Variants in ZC3H18 observed in about 807,000 individuals in gnomAD.
ZC3H18 encodes the protein zinc finger CCCH domain-containing protein 18.
A neutral mutation model predicts 106.1 loss-of-function variants in ZC3H18; 8 were observed. The ratio of observed to expected loss-of-function variants is 0.08; its 90% CI spans 0.04 to 0.14. The LOEUF (loss-of-function observed/expected upper bound fraction) is 0.14, where lower values mean the gene tolerates loss of function less well. Ranked by LOEUF, ZC3H18 falls within the 10% of genes least tolerant of loss-of-function variation. The pLI, the probability that ZC3H18 is intolerant of heterozygous loss-of-function variation, is 1.00. For missense variants in ZC3H18, 1,318 were observed against 1,278.4 expected, an observed-to-expected ratio of 1.03 and a Z score of -0.47; for synonymous variants, 635 against 522.1, an observed-to-expected ratio of 1.22 and a Z score of -2.95.
At chr16:88,587,531 T>G in intron 3 of ZC3H18, 1 of 1,535,888 alleles carries the variant, frequency 6.5e-7, no homozygotes, top group Non-Finnish European at 8.7e-7. Context: ...CTTCCTGTAC[T>G]TCTTTTCCAG....
Position 88,622,203 on chromosome 16 carries a change from A to T in ZC3H18, c.1482A>T (p.Gln494His). 6.2e-7 allele frequency: 1 copy of T among 1,608,780 alleles called. No individual in the cohort carries two copies. Among genetic ancestry groups the T allele is most frequent in the South Asian group, 1.1e-5 (1 of 90,668 alleles). The change falls in exon 9 of 18, where the codon CAA becomes CAT. Residue 494 changes from glutamine to histidine, a missense_variant. Gln to His is a conservative substitution (Grantham distance 24, BLOSUM62 0). Coordinates refer to ENST00000301011, the MANE Select transcript of ZC3H18 (RefSeq NM_144604.4). ...KPRSPQPPSRQAEPPKKEAAT... is the reference protein window; with the variant it reads ...KPRSPQPPSRHAEPPKKEAAT... ...AATGCCTCTGTAATTTCAGCCGCCA[A>T]GCTGAGCCACCAAAGAAGGAGGCTG...
In ZC3H18 at chr16:88,599,886, C is replaced by T; in HGVS notation, c.1026C>T (p.Asp342=). The T allele has an allele frequency of 6.2e-6, 10 of 1,614,192 alleles. No homozygotes were observed. The highest frequency in any genetic ancestry group is 2.2e-5 in the South Asian group (2 of 91,084). Reference sequence around the variant, plus strand: ...TTGGCGAAGACGAACGGGAATTTGACAAAGAAAATGAAGTTTTTCGAGATT... The same window carrying T: ...TTGGCGAAGACGAACGGGAATTTGATAAAGAAAATGAAGTTTTTCGAGATT... ...VTIGEDEREF[D]KENEVFRDWN... Residue 342 remains aspartate (D), a synonymous_variant, in exon 6 of 18, where the codon GAC becomes GAT. Coordinates refer to ENST00000301011, the MANE Select transcript of ZC3H18 (RefSeq NM_144604.4).
intron 2 of ZC3H18, 83 bp downstream of exon 2, chr16:88,577,809 G>T: frequency 6.2e-7 from 1 of 1,602,712 alleles, no homozygotes; most frequent in East Asian, 2.2e-5. Context: ...GGGACTCTGT[G>T]TGGGACTGAC....
Position 88,577,154 on chromosome 16 carries a change from C to G in ZC3H18, c.31C>G (p.Pro11Ala), listed in dbSNP as rs768526102. The G allele has an allele frequency of 3.2e-6, 5 of 1,581,326 alleles. No individual in the cohort carries two copies. The East Asian group carries it at 1.1e-4, about 36-fold the overall frequency. ...TGTGGCCGAGAGCCCTGAACGGGAT[C>G]CTCACTCTCCAGAGGATGAAGAGCA... The part of the protein sequence containing the change: MDVAESPERD[P>A]HSPEDEEQPQ... Residue 11 changes from proline to alanine, a missense_variant, in exon 2 of 18, where the codon CCT becomes GCT. Physicochemically the swap from Pro to Ala is conservative, Grantham distance 27. Coordinates refer to ENST00000301011, the MANE Select transcript of ZC3H18 (RefSeq NM_144604.4).
intron 3 of ZC3H18, among the ~76,000 whole-genome samples, chr16:88,596,154 G>T (rs1047248150): frequency 6.6e-6 from 1 of 152,108 alleles, no homozygotes; most frequent in Non-Finnish European, 1.5e-5. Context: ...CCCCACGCTC[G>T]CCTTCTCAGC....
chr16:88,577,070 T>C (rs1287198743), intron 1 of ZC3H18, 40 bp from the exon 2 acceptor site: 1 of 1,498,340 alleles, frequency 6.7e-7, no homozygotes, highest in Non-Finnish European at 8.9e-7. Context: ...TTGTTTTCCA[T>C]TTTGCTAAAG....
chr16:88,623,697 CTCCTG>C lies in ZC3H18; in HGVS notation c.1794-255_1794-251del, dbSNP rs1906112985. 4 of 600,288 alleles carry C rather than the reference CTCCTG, an allele frequency of 6.7e-6. No homozygotes were observed. The Admixed American group carries it at 1.4e-4, about 20-fold the overall frequency. 37.2% of individuals were successfully genotyped at this position (600,288 alleles called of 1,614,324 possible). On this transcript the variant is annotated intron_variant, in intron 10 of 17. Coordinates refer to ENST00000301011, the MANE Select transcript of ZC3H18 (RefSeq NM_144604.4). ...GCCCCACTGCCAAGGAGCCTGTCTC[CTCCTG>C]TCCTGCACACACATGAACGTGACAC...
chr16:88,629,627 C>T (rs1169633150), intron 16 of ZC3H18, among the ~76,000 whole-genome samples: 1 of 152,240 alleles, frequency 6.6e-6, no homozygotes, highest in East Asian at 1.9e-4. Context: ...TCCTCCCAGG[C>T]TCCTGCGGAC....
At chr16:88,609,198 C>A in intron 7 of ZC3H18, 147 bp downstream of exon 7, 1 of 520,598 alleles carries the variant, frequency 1.9e-6, no homozygotes, top group South Asian at 3.5e-5. Flanking sequence ...TTGATTGTTA[C>A]GGAGAACGAA....
chr16:88,628,545 TC>T (rs200887908), intron 15 of ZC3H18: 27,423 of 581,842 alleles, frequency 0.047, 782 homozygotes, highest in Non-Finnish European at 0.059. Flanking sequence ...GCAGGGTGCT[TC>T]CCCTGGAACG....
chr16:88,621,811 A>C lies in ZC3H18; in HGVS notation c.1476-386A>C, dbSNP rs528830173. Among the ~76,000 whole-genome samples, 19 of 152,230 alleles carry C rather than the reference A, an allele frequency of 1.2e-4. 1 individual carries two copies. Among genetic ancestry groups the C allele is most frequent in the Admixed American group, 1.2e-3 (19 of 15,282 alleles). ...TGGGCTTATTTCATAAATATTTATT[A>C]TGAACCTACTAGTATATCAGCACTA... is the stretch of plus-strand genomic sequence containing the variant. On this transcript the variant is annotated intron_variant, in intron 8 of 17. Coordinates refer to ENST00000301011, the MANE Select transcript of ZC3H18 (RefSeq NM_144604.4).
At chr16:88,595,478 T>TC (rs201612475) in intron 3 of ZC3H18, among the ~76,000 whole-genome samples, 3 of 145,358 alleles carry the variant, frequency 2.1e-5, no homozygotes, top group Admixed American at 6.8e-5. Context: ...TTCTTTCTTT[T>TC]TTTTTTTTTT....
intron 15 of ZC3H18, 103 bp downstream of exon 15, chr16:88,628,222 G>T (rs978988566): frequency 1.7e-5 from 23 of 1,326,080 alleles, no homozygotes; most frequent in Admixed American, 6.9e-5. Flanking sequence ...GAGTGAGGGC[G>T]AGTGGGGCCT....
At chr16:88,604,143 G>A (rs1392036078) in intron 6 of ZC3H18, among the ~76,000 whole-genome samples, 1 of 151,962 alleles carries the variant, frequency 6.6e-6, no homozygotes, top group Non-Finnish European at 1.5e-5. Context: ...GTTGAGCTCG[G>A]GAGTTGAAGA....
chr16:88,630,548 A>G lies in ZC3H18; in HGVS notation c.2630A>G (p.Gln877Arg). The change falls in exon 17 of 18, where the codon CAG becomes CGG. Residue 877 changes from glutamine to arginine, a missense_variant. By Grantham distance (43) the Gln-to-Arg change is conservative. Around this residue, in one of 6 missense-constraint regions of ZC3H18, gnomAD observed 848 missense variants for 821.7 expected, o/e 1.03. Coordinates refer to ENST00000301011, the MANE Select transcript of ZC3H18 (RefSeq NM_144604.4). ...GSPKPERQRG[Q>R]NSKAPAAPAD... The stretch of plus-strand genomic sequence containing the variant: ...CCGAAGCCAGAGCGGCAGAGAGGCC[A>G]GAACTCCAAAGCCCCTGCAGCCCCG... 1 of 1,611,768 alleles carries G rather than the reference A, an allele frequency of 6.2e-7. No homozygotes were observed. The highest frequency in any genetic ancestry group is 8.5e-7 in the Non-Finnish European group (1 of 1,179,586).
chr16:88,622,102 G>C lies in ZC3H18; in HGVS notation c.1476-95G>C, dbSNP rs1906001330. On this transcript the variant is annotated intron_variant, in intron 8 of 17. Coordinates refer to ENST00000301011, the MANE Select transcript of ZC3H18 (RefSeq NM_144604.4). Reference sequence around the variant, plus strand: ...CTCAGGTGATCCTTAAATAAGCCAGGTATGAGATCCATAGTCTCTCCCGCT... The same window carrying C: ...CTCAGGTGATCCTTAAATAAGCCAGCTATGAGATCCATAGTCTCTCCCGCT... The C allele has an allele frequency of 2.2e-6, 3 of 1,390,774 alleles. No individual in the cohort carries two copies. In the African/African-American group the frequency reaches 4.3e-5, roughly 20 times the overall value. The allele number at this position is 1,390,774 out of a possible 1,614,324, so 86.2% of individuals were successfully genotyped here.
intron 15 of ZC3H18, 93 bp from the exon 16 acceptor site, chr16:88,628,665 A>C: frequency 7.5e-7 from 1 of 1,332,800 alleles, no homozygotes; most frequent in Non-Finnish European, 1.1e-6. Flanking sequence ...GGAGCAGAGC[A>C]GGTTGCTGGC....
chr16:88,617,286 C>A (rs1905674632), intron 8 of ZC3H18, among the ~76,000 whole-genome samples: 1 of 1,736 alleles, frequency 5.8e-4, no homozygotes. Context: ...TGACCAGCTC[C>A]CCCCTGGACC....
intron 2 of ZC3H18, among the ~76,000 whole-genome samples, chr16:88,578,392 C>G (rs1005340282): frequency 6.6e-6 from 1 of 152,150 alleles, no homozygotes; most frequent in Non-Finnish European, 1.5e-5. Context: ...GTGGGGTTTT[C>G]TTAGCAGTTG....
Sources: allele counts gnomAD v4.1 joint callset (sites outside exome capture counted in the v4.1 genomes callset), GRCh38; gene constraint gnomAD v4.1.1; regional missense constraint gnomAD v4.1.1; transcripts MANE v1.5; gene names NCBI Gene and HGNC (gene_info 2026-07-23, HGNC 2026-07-21).